CAMK2D: variants seen among roughly 807,000 people sequenced by gnomAD.
CAMK2D encodes calcium/calmodulin-dependent protein kinase type II subunit delta.
A neutral mutation model predicts 84.0 loss-of-function variants in CAMK2D; 37 were observed. The ratio of observed to expected loss-of-function variants is 0.44; its 90% confidence interval spans 0.34 to 0.58. The LOEUF (loss-of-function observed/expected upper bound fraction) is 0.58, where lower values mean the gene tolerates loss of function less well. CAMK2D is among the 20% of genes least tolerant of loss of function. The pLI, the probability that CAMK2D is intolerant of heterozygous loss-of-function variation, is 0.02. For synonymous variants in CAMK2D, 202 were observed against 212.5 expected (o/e 0.95, Z 0.43); for missense variants, 448 against 652.5 (o/e 0.69, Z 3.41).
chr4:113,552,476 C>T (rs1214969608), intron 4 of CAMK2D, among the ~76,000 whole-genome samples: 4 of 152,158 alleles, frequency 2.6e-5, no homozygotes, highest in Non-Finnish European at 5.9e-5. Flanking sequence ...GTATGAGTTT[C>T]CATGTATCCT....
intron 3 of CAMK2D, among the ~76,000 whole-genome samples, chr4:113,653,302 T>G (rs1017519983): frequency 6.6e-6 from 1 of 152,088 alleles, no homozygotes; most frequent in African/African-American, 2.4e-5. Context: ...CTGTTATATA[T>G]TCTAAGAAGT....
At chr4:113,700,080 G>A (rs2099413527) in intron 2 of CAMK2D, among the ~76,000 whole-genome samples, 1 of 151,876 alleles carries the variant, frequency 6.6e-6, no homozygotes, top group Non-Finnish European at 1.5e-5. Context: ...ATATCCAACG[G>A]GCAACTAAAT....
At position 113,452,156 on chromosome 4, in the gene CAMK2D, C is replaced by T. The variant is rs1320842546; in HGVS notation, c.*2389G>A. On this transcript the variant is annotated 3_prime_UTR_variant, in exon 21 of 21. Coordinates refer to ENST00000511664, the MANE Select transcript of CAMK2D (RefSeq NM_001321571.2). The stretch of plus-strand genomic sequence containing the variant: ...ATTAAAAAAAAAAAAAAAAAGCAGC[C>T]ATGTGAAGGCTGGATTGGAGGGTAC... 1 of 148,806 alleles carries T rather than the reference C, an allele frequency of 6.7e-6. No homozygotes were observed. Among genetic ancestry groups the T allele is most frequent in the Non-Finnish European group, 1.5e-5 (1 of 67,598 alleles). 9.2% of individuals were successfully genotyped at this position (148,806 alleles called of 1,614,324 possible). A position where few individuals can be genotyped will look rare whatever the true frequency, so the allele number is the denominator to read the frequency against.
chr4:113,469,129 A>T (rs1589777353), intron 16 of CAMK2D, among the ~76,000 whole-genome samples: 1 of 152,210 alleles, frequency 6.6e-6, no homozygotes, highest in East Asian at 1.9e-4. Context: ...GAAGAGTAAG[A>T]TAAGGGTGTG....
At chr4:113,501,820 G>T (rs1478924236) in intron 15 of CAMK2D, among the ~76,000 whole-genome samples, 1 of 151,958 alleles carries the variant, frequency 6.6e-6, no homozygotes, top group African/African-American at 2.4e-5. Context: ...GCGTTTCATT[G>T]GCTAATGCTA....
chr4:113,548,059 C>T (rs531396200), intron 5 of CAMK2D, among the ~76,000 whole-genome samples: 141 of 152,280 alleles, frequency 9.3e-4, no homozygotes, highest in Non-Finnish European at 1.7e-3. Context: ...GCCTCCACCC[C>T]GTCACATAAA....
At chr4:113,471,344 G>T (rs894900234) in intron 16 of CAMK2D, among the ~76,000 whole-genome samples, 3 of 151,954 alleles carry the variant, frequency 2.0e-5, no homozygotes, top group African/African-American at 4.8e-5. Context: ...GGCTCTGACC[G>T]CATGCTGAAG....
At chr4:113,738,170 C>A (rs1382088374) in intron 2 of CAMK2D, among the ~76,000 whole-genome samples, 3 of 150,970 alleles carry the variant, frequency 2.0e-5, no homozygotes, top group Admixed American at 6.6e-5. Flanking sequence ...ACAGCACAAC[C>A]CCATAAGAAT....
intron 13 of CAMK2D, among the ~76,000 whole-genome samples, chr4:113,507,463 T>A (rs2098143583): frequency 6.6e-6 from 1 of 151,848 alleles, no homozygotes; most frequent in Non-Finnish European, 1.5e-5. Context: ...GAGATGGGGT[T>A]TTACCGTGTT....
chr4:113,503,151 C>G (rs1180453511), intron 14 of CAMK2D, 174 bp from the exon 15 acceptor site: 3 of 722,820 alleles, frequency 4.2e-6, no homozygotes, highest in African/African-American at 3.5e-5. Context: ...AAAGATCTCC[C>G]TGGCGAGGCC....
chr4:113,736,715 T>C (rs1286880852), intron 2 of CAMK2D, among the ~76,000 whole-genome samples: 2 of 152,086 alleles, frequency 1.3e-5, no homozygotes, highest in Non-Finnish European at 2.9e-5. Flanking sequence ...TTAAAACTAA[T>C]ATGATAAAAC....
At chr4:113,643,334 A>C (rs954782870) in intron 3 of CAMK2D, among the ~76,000 whole-genome samples, 1 of 152,198 alleles carries the variant, frequency 6.6e-6, no homozygotes, top group African/African-American at 2.4e-5. Flanking sequence ...TGGGAGGATA[A>C]AAGGGCAAAG....
At chr4:113,741,714 G>A (rs62313094) in intron 2 of CAMK2D, among the ~76,000 whole-genome samples, 4,019 of 152,124 alleles carry the variant, frequency 0.026, 91 homozygotes, top group Middle Eastern at 0.041. Context: ...GCTTATCAAT[G>A]CATTTAAAAT....
At position 113,513,311 on chromosome 4, in the gene CAMK2D, G is replaced by C; in HGVS notation, c.946+17C>G. The stretch of plus-strand genomic sequence containing the variant: ...AGAAGACCAAGGGATAAGAAGCAGA[G>C]TTCCCAATGCATGTACCTGAGAAAT... On this transcript the variant is annotated intron_variant, in intron 12 of 20. Coordinates refer to ENST00000511664, the MANE Select transcript of CAMK2D (RefSeq NM_001321571.2). 1 of 1,612,394 alleles carries C rather than the reference G, an allele frequency of 6.2e-7. No individual in the cohort carries two copies. The highest frequency in any genetic ancestry group is 1.1e-5 in the South Asian group (1 of 90,954).
intron 1 of CAMK2D, 124 bp downstream of exon 1, chr4:113,760,880 G>C: frequency 8.2e-7 from 1 of 1,217,424 alleles, no homozygotes; most frequent in Non-Finnish European, 1.2e-6. Context: ...TGACAAACCA[G>C]GGGCCCTCCT....
At chr4:113,545,458 T>C (rs1298958792) in intron 6 of CAMK2D, among the ~76,000 whole-genome samples, 1 of 152,232 alleles carries the variant, frequency 6.6e-6, no homozygotes, top group Non-Finnish European at 1.5e-5. Flanking sequence ...GGCAAGTTTT[T>C]GTTTAAGGCC....
intron 3 of CAMK2D, among the ~76,000 whole-genome samples, chr4:113,619,256 TCTC>T (rs1274361465): frequency 6.6e-6 from 1 of 152,114 alleles, no homozygotes; most frequent in African/African-American, 2.4e-5. Flanking sequence ...CCACTTTTCA[TCTC>T]CTCTACTGTT....
At chr4:113,553,982 T>A (rs532690079) in intron 4 of CAMK2D, among the ~76,000 whole-genome samples, 2 of 152,196 alleles carry the variant, frequency 1.3e-5, no homozygotes, top group African/African-American at 4.8e-5. Context: ...TCCTTGTTTT[T>A]GACTATAAGT....
chr4:113,745,957 AG>A (rs2099603237), intron 2 of CAMK2D, among the ~76,000 whole-genome samples: 1 of 152,208 alleles, frequency 6.6e-6, no homozygotes, highest in South Asian at 2.1e-4. Flanking sequence ...CACTGGGCAC[AG>A]GAGTCTCTAA....
Sources: gnomAD v4.1 joint callset for allele counts (sites outside exome capture counted in the v4.1 genomes callset) on GRCh38, gnomAD v4.1.1 for gene constraint, MANE v1.5 for transcripts, NCBI Gene and HGNC (gene_info 2026-07-23, HGNC 2026-07-21) for gene names.